NALF1: variants seen among roughly 807,000 people sequenced by gnomAD.
NALF1 encodes NALCN channel auxiliary factor 1, also known as family with sequence similarity 155 member A.
Under a neutral mutation model 48.4 loss-of-function variants are expected in NALF1, and 3 were observed. The observed-to-expected ratio is 0.06, with a 90% CI of 0.03 to 0.16. The LOEUF (loss-of-function observed/expected upper bound fraction) is 0.16, where lower values mean the gene tolerates loss of function less well. Among genes scored for constraint, NALF1 ranks in the 10% least tolerant of loss-of-function variants. The probability of loss-of-function intolerance (pLI) is 1.00; values close to 1 mark genes in which losing one functional copy is unlikely to be tolerated. For synonymous variants in NALF1, 262 were observed against 245.7 expected (o/e 1.07, Z -0.62); for missense variants, 526 against 571.5 (o/e 0.92, Z 0.81).
chr13:107,333,614 A>T (rs566101376), intron 1 of NALF1, among the ~76,000 whole-genome samples: 1 of 152,338 alleles, frequency 6.6e-6, no homozygotes, highest in Non-Finnish European at 1.5e-5. Flanking sequence ...AGGTGAATTC[A>T]CAACTATAAA....
chr13:107,639,800 G>A (rs1009347326), intron 1 of NALF1, among the ~76,000 whole-genome samples: 2 of 152,124 alleles, frequency 1.3e-5, no homozygotes, highest in Admixed American at 6.6e-5. Context: ...TGTGCTCATT[G>A]CATTCTTTTA....
intron 1 of NALF1, among the ~76,000 whole-genome samples, chr13:107,809,246 T>C (rs766287014): frequency 2.0e-5 from 3 of 152,028 alleles, no homozygotes; most frequent in Admixed American, 6.6e-5. Context: ...GACCTAAATA[T>C]GTTTTTACCT....
intron 1 of NALF1, among the ~76,000 whole-genome samples, chr13:107,288,235 T>TG (rs1881537943): frequency 1.3e-5 from 2 of 150,646 alleles, no homozygotes; most frequent in African/African-American, 2.4e-5. Flanking sequence ...TTTTTTTTTT[T>TG]TTGAGACGGA....
chr13:107,457,588 T>TA, intron 1 of NALF1, among the ~76,000 whole-genome samples: 1 of 152,242 alleles, frequency 6.6e-6, no homozygotes, highest in African/African-American at 2.4e-5. Context: ...GCTAAACTAG[T>TA]AGCTATATCT....
At chr13:107,437,127 A>C (rs746609871) in intron 1 of NALF1, among the ~76,000 whole-genome samples, 1 of 152,170 alleles carries the variant, frequency 6.6e-6, no homozygotes, top group Non-Finnish European at 1.5e-5. Context: ...AAGAAAGCAC[A>C]TGAAAAAATG....
intron 1 of NALF1, among the ~76,000 whole-genome samples, chr13:107,392,931 C>T (rs1000943496): frequency 2.0e-5 from 3 of 152,018 alleles, no homozygotes; most frequent in Admixed American, 1.3e-4. Flanking sequence ...TCTGAGATTG[C>T]AAGAAGGATC....
chr13:107,710,691 C>T lies in NALF1; in HGVS notation c.915+154991G>A, dbSNP rs529331908. 2.7e-5 allele frequency among the ~76,000 whole-genome samples: 4 copies of T among 150,394 alleles called. No homozygotes were observed. The South Asian group carries it at 8.4e-4, about 31-fold the overall frequency. On this transcript the variant is annotated intron_variant, in intron 1 of 2. Transcript: ENST00000375915. ...ACCACCTGCAGAATCCAATCGCCTCCCACCAGGTCCCTCCCTCAACACGTG... is the reference window on the plus strand; with the variant it reads ...ACCACCTGCAGAATCCAATCGCCTCTCACCAGGTCCCTCCCTCAACACGTG...
At chr13:107,435,957 C>A (rs756004360) in intron 1 of NALF1, among the ~76,000 whole-genome samples, 1 of 152,094 alleles carries the variant, frequency 6.6e-6, no homozygotes, top group Non-Finnish European at 1.5e-5. Flanking sequence ...AAAGCTGCAG[C>A]CCAACACTGT....
chr13:107,465,390 A>C (rs1323683), intron 1 of NALF1, among the ~76,000 whole-genome samples: 72,509 of 151,244 alleles, frequency 0.48, 17,675 homozygotes, highest in Middle Eastern at 0.51. Context: ...AGTTTATACA[A>C]TTTTTTTTAC....
At chr13:107,850,777 C>T (rs979682544) in intron 1 of NALF1, among the ~76,000 whole-genome samples, 2 of 151,998 alleles carry the variant, frequency 1.3e-5, no homozygotes, top group Non-Finnish European at 2.9e-5. Flanking sequence ...GTGGCATGTG[C>T]CTATAATCCC....
At chr13:107,318,562 C>A (rs187155200) in intron 1 of NALF1, among the ~76,000 whole-genome samples, 1 of 151,958 alleles carries the variant, frequency 6.6e-6, no homozygotes, top group Non-Finnish European at 1.5e-5. Flanking sequence ...ATACTTTGAG[C>A]GGAAGGAGAG....
At chr13:107,277,166 T>C (rs1881298111) in intron 1 of NALF1, among the ~76,000 whole-genome samples, 1 of 152,184 alleles carries the variant, frequency 6.6e-6, no homozygotes, top group Non-Finnish European at 1.5e-5. Context: ...AACTGCCAAT[T>C]TAATACTTAA....
At chr13:107,527,203 G>GTCATT (rs1424402764) in intron 1 of NALF1, among the ~76,000 whole-genome samples, 2 of 152,152 alleles carry the variant, frequency 1.3e-5, no homozygotes, top group African/African-American at 2.4e-5. Flanking sequence ...CTGACCCGCT[G>GTCATT]TCATTAGATC....
At chr13:107,257,047 G>T (rs61965520) in intron 1 of NALF1, among the ~76,000 whole-genome samples, 124 of 152,148 alleles carry the variant, frequency 8.1e-4, no homozygotes, top group Non-Finnish European at 1.3e-3. Context: ...AAATTACGGC[G>T]GAAGGGGAGG....
intron 1 of NALF1, among the ~76,000 whole-genome samples, chr13:107,430,396 C>T (rs1226888953): frequency 5.3e-5 from 8 of 151,910 alleles, no homozygotes; most frequent in African/African-American, 1.7e-4. Flanking sequence ...CCCATTAACT[C>T]GTCATTTAGC....
At chr13:107,323,746 T>C (rs901599172) in intron 1 of NALF1, among the ~76,000 whole-genome samples, 1 of 152,204 alleles carries the variant, frequency 6.6e-6, no homozygotes, top group African/African-American at 2.4e-5. Context: ...AACATTCCAT[T>C]GTGCTTGTCC....
chr13:107,650,385 T>C (rs1481073002), intron 1 of NALF1, among the ~76,000 whole-genome samples: 1 of 39,922 alleles, frequency 2.5e-5, no homozygotes, highest in South Asian at 8.7e-4. Flanking sequence ...CGGTAATCTC[T>C]GCAACCATTA....
chr13:107,314,554 C>G (rs190513980), intron 1 of NALF1, among the ~76,000 whole-genome samples: 12 of 152,240 alleles, frequency 7.9e-5, no homozygotes, highest in Non-Finnish European at 1.3e-4. Flanking sequence ...ATGACCCTCC[C>G]TTGAATAGAA....
intron 1 of NALF1, among the ~76,000 whole-genome samples, chr13:107,402,795 A>G (rs1947577371): frequency 6.6e-6 from 1 of 152,108 alleles, no homozygotes; most frequent in Non-Finnish European, 1.5e-5. Flanking sequence ...TCAGGGTTGT[A>G]GCAGATATAT....
Sources: allele counts gnomAD v4.1 joint callset (sites outside exome capture counted in the v4.1 genomes callset), GRCh38; gene constraint gnomAD v4.1.1; transcripts MANE v1.5; gene names NCBI Gene and HGNC (gene_info 2026-07-23, HGNC 2026-07-21).